The following KAT6A variants were observed in gnomAD, a reference collection of about 807,000 sequenced individuals.
The protein encoded by KAT6A is histone acetyltransferase KAT6A.
KAT6A carries 9 observed loss-of-function variants against 198.4 expected under a neutral mutation model. That is an observed-to-expected ratio of 0.05 (90% CI 0.03 to 0.08). KAT6A has a LOEUF of 0.08. Among genes scored for constraint, KAT6A ranks in the 10% least tolerant of loss-of-function variants. The pLI, the probability that KAT6A is intolerant of heterozygous loss-of-function variation, is 1.00. For missense variants in KAT6A, 2,077 were observed against 2,509.9 expected (o/e 0.83, Z 3.69); for synonymous variants, 890 against 883.0 (o/e 1.01, Z -0.14).
rs1401715670 is a variant in KAT6A, at chr8:41,978,861, A to C, written c.908-84T>G. ...TCAGATAGTCTTAAGTCAGGATCTT[A>C]ACTTTTTCAGGTAAAAGACTGTCAT... On this transcript the variant is annotated intron_variant, in intron 5 of 16. Transcript: ENST00000265713. The C allele has an allele frequency of 2.3e-6, 3 of 1,302,160 alleles. No homozygotes were observed. In the Admixed American group the frequency reaches 6.4e-5, roughly 28 times the overall value. The allele number at this position is 1,302,160 out of a possible 1,614,324, so 80.7% of individuals were successfully genotyped here.
chr8:41,933,960 C>T lies in KAT6A; in HGVS notation c.4260G>A (p.Leu1420=). The T allele has an allele frequency of 1.2e-6, 2 of 1,614,040 alleles. No homozygotes were observed. Among genetic ancestry groups the T allele is most frequent in the Non-Finnish European group, 1.7e-6 (2 of 1,180,014 alleles). The change falls in exon 17 of 17, where the codon CTG becomes CTA. Residue 1420 remains leucine, a synonymous_variant. Coordinates refer to ENST00000265713, the MANE Select transcript of KAT6A (RefSeq NM_006766.5). This position sits in a 1 kb window ranked among gnomAD's most constrained non-coding sequence, Gnocchi z 6.2. ...KEEEEIPHSE[L]DLETVQAVQS... is the part of the protein sequence containing the mutation. ...GCACTGCCTGTACAGTTTCCAGATC[C>T]AGCTCACTATGAGGAATCTCTTCCT...
intron 2 of KAT6A, among the ~76,000 whole-genome samples, chr8:42,018,882 C>T (rs1228386481): frequency 1.3e-5 from 2 of 152,276 alleles, no homozygotes; most frequent in Non-Finnish European, 2.9e-5. Flanking sequence ...GATCGCACCA[C>T]TGCACTCCAG....
At chr8:42,025,724 T>C (rs1826780908) in intron 2 of KAT6A, among the ~76,000 whole-genome samples, 1 of 152,202 alleles carries the variant, frequency 6.6e-6, no homozygotes, top group South Asian at 2.1e-4. Flanking sequence ...ATTCTGCTGA[T>C]TGTTTTCTTT....
chr8:41,929,964 C>T lies in KAT6A; in HGVS notation c.*2241G>A. 1 of 218,202 alleles carries T rather than the reference C, an allele frequency of 4.6e-6. No homozygotes were observed. The highest frequency in any genetic ancestry group is 9.2e-6 in the Non-Finnish European group (1 of 108,688). The allele number at this position is 218,202 out of a possible 1,614,324, so 13.5% of individuals were successfully genotyped here. Reference sequence around the variant, plus strand: ...TTAGAAGATTACCCAAGTTATCTTGCTAAAAATACATTTTTTTTAAACAGA... The same window carrying T: ...TTAGAAGATTACCCAAGTTATCTTGTTAAAAATACATTTTTTTTAAACAGA... On this transcript the variant is annotated 3_prime_UTR_variant, in exon 17 of 17. Coordinates refer to ENST00000265713, the MANE Select transcript of KAT6A (RefSeq NM_006766.5).
chr8:42,037,573 G>A, intron 2 of KAT6A, among the ~76,000 whole-genome samples: 1 of 152,100 alleles, frequency 6.6e-6, no homozygotes, highest in Non-Finnish European at 1.5e-5. Context: ...ACAATTCCCT[G>A]GAGGAAAACG....
intron 8 of KAT6A, chr8:41,957,649 A>G (rs577474892): frequency 8.9e-4 from 171 of 191,752 alleles, no homozygotes; most frequent in Non-Finnish European, 1.5e-3. Context: ...TCCAGGCTAG[A>G]ATTGACCTTT....
chr8:41,978,789 T>C lies in KAT6A; in HGVS notation c.908-12A>G. 6.2e-7 allele frequency: 1 copy of C among 1,611,290 alleles called. No individual in the cohort carries two copies. The highest frequency in any genetic ancestry group is 8.5e-7 in the Non-Finnish European group (1 of 1,178,512). On this transcript the variant is annotated splice_polypyrimidine_tract_variant and intron_variant, in intron 5 of 16. Coordinates refer to ENST00000265713, the MANE Select transcript of KAT6A (RefSeq NM_006766.5). ...ACATATCCACATGCCTATAAAAAAA[T>C]AAAATTCCACATAGAAGTGTGACAG...
chr8:41,977,265 G>A lies in KAT6A; in HGVS notation c.1106C>T (p.Thr369Ile). Residue 369 changes from threonine (T) to isoleucine (I), a missense_variant, in exon 7 of 17, where the codon ACT becomes ATT. Thr to Ile is a moderately conservative substitution (Grantham distance 89). Around this residue, in one of 13 missense-constraint regions of KAT6A, gnomAD observed 206 missense variants for 214.9 expected, o/e 0.96. Transcript: ENST00000265713. The part of the protein sequence containing the change: ...GPGRGRKRKI[T>I]LSSQSASSSS... ...TGATGATGCTGATTGGCTGGAAAGA[G>A]TGATTTTTCGTTTCCTACCCCTTCC... is the stretch of plus-strand genomic sequence containing the variant. 1 of 1,614,176 alleles carries A rather than the reference G, an allele frequency of 6.2e-7. No homozygotes were observed. The highest frequency in any genetic ancestry group is 8.5e-7 in the Non-Finnish European group (1 of 1,180,014).
Position 41,941,529 on chromosome 8 carries a change from GAGA to G in KAT6A, c.2437-88_2437-86del, listed in dbSNP as rs1345483057. The G allele has an allele frequency of 1.8e-5, 25 of 1,372,502 alleles. 2 individuals carry two copies. The highest frequency in any genetic ancestry group is 2.5e-4 in the Middle Eastern group (1 of 4,054). 85.0% of individuals were successfully genotyped at this position (1,372,502 alleles called of 1,614,324 possible). A position where few individuals can be genotyped will look rare whatever the true frequency, so the allele number is the denominator to read the frequency against. The stretch of plus-strand genomic sequence containing the variant: ...CCTATTCTGACCTTTTAAGTATTGA[GAGA>G]AGAAAAGGAAACTGAGCTTTAAAAA... On this transcript the variant is annotated intron_variant, in intron 14 of 16. Transcript: ENST00000265713.
intron 2 of KAT6A, among the ~76,000 whole-genome samples, chr8:42,009,654 T>C (rs558358387): frequency 2.0e-5 from 3 of 151,624 alleles, no homozygotes; most frequent in Admixed American, 6.6e-5. Context: ...ATCTCAGCAT[T>C]TGGGGAGGCT....
chr8:41,957,262 T>C (rs1283701827), intron 8 of KAT6A: 3 of 566,332 alleles, frequency 5.3e-6, no homozygotes, highest in East Asian at 4.0e-5. Flanking sequence ...TTCCTGCACA[T>C]GCGCTCATGT....
intron 8 of KAT6A, among the ~76,000 whole-genome samples, chr8:41,967,085 C>A (rs896398934): frequency 6.6e-6 from 1 of 152,066 alleles, no homozygotes; most frequent in African/African-American, 2.4e-5. Context: ...CAAAAATGCT[C>A]TGTAACTTTC....
At chr8:42,008,895 T>C (rs556907065) in intron 2 of KAT6A, among the ~76,000 whole-genome samples, 77 of 152,306 alleles carry the variant, frequency 5.1e-4, no homozygotes, top group Admixed American at 9.8e-4. Flanking sequence ...ATAGAAGACA[T>C]TTTAAAATTG....
intron 8 of KAT6A, among the ~76,000 whole-genome samples, chr8:41,963,742 A>AT (rs1399433952): frequency 1.3e-5 from 2 of 152,192 alleles, no homozygotes; most frequent in Non-Finnish European, 2.9e-5. Flanking sequence ...CTCAAGAGCT[A>AT]TTTAGCTACT....
intron 2 of KAT6A, among the ~76,000 whole-genome samples, chr8:41,995,674 CTTTTTTTTT>C (rs10710765): frequency 3.9e-5 from 4 of 103,082 alleles, no homozygotes; most frequent in Non-Finnish European, 7.5e-5. Context: ...ATTTTCATTT[CTTTTTTTTT>C]TTTTTTTTTT....
chr8:41,935,177 G>C (rs1185257005), intron 16 of KAT6A, among the ~76,000 whole-genome samples: 1 of 152,148 alleles, frequency 6.6e-6, no homozygotes, highest in Non-Finnish European at 1.5e-5. Flanking sequence ...CTACATTTCA[G>C]TTTCATCATC....
In KAT6A at chr8:41,933,200, G is replaced by C. The variant is rs1051389004; in HGVS notation, c.5020C>G (p.Pro1674Ala). 7.6e-6 allele frequency: 12 copies of C among 1,580,594 alleles called. No homozygotes were observed. The highest frequency in any genetic ancestry group is 9.4e-6 in the Non-Finnish European group (11 of 1,166,824). ...TGCTGTTGCGGCTGCTGCTGGGGTGGTGGAGGCTGTGGTGCTGGTTGTGGT... is the reference window on the plus strand; with the variant it reads ...TGCTGTTGCGGCTGCTGCTGGGGTGCTGGAGGCTGTGGTGCTGGTTGTGGT... Reference protein sequence around the residue: ...PQPQPAPQPPPPQQQPQQQPQ... With the variant: ...PQPQPAPQPPAPQQQPQQQPQ... Residue 1674 changes from proline (P) to alanine (A), a missense_variant, in exon 17 of 17, where the codon CCA becomes GCA. By Grantham distance (27) the Pro-to-Ala change is conservative (BLOSUM62 -1). Around this residue, in one of 13 missense-constraint regions of KAT6A, gnomAD observed 500 missense variants for 577.2 expected, o/e 0.87. Transcript: ENST00000265713. The surrounding 1 kb of genome is among the most constrained non-coding windows in gnomAD (Gnocchi z 6.2).
chr8:41,943,123 G>T, intron 13 of KAT6A, 123 bp from the exon 14 acceptor site: 1 of 1,266,360 alleles, frequency 7.9e-7, no homozygotes, highest in Non-Finnish European at 1.1e-6. Context: ...AGCCTGCCTG[G>T]GACGATGGAA....
At chr8:41,998,113 T>C (rs1389676639) in intron 2 of KAT6A, among the ~76,000 whole-genome samples, 2 of 152,106 alleles carry the variant, frequency 1.3e-5, no homozygotes, top group Admixed American at 6.5e-5. Flanking sequence ...TAACATAACA[T>C]AAAAATTTGA....
Sources: gnomAD v4.1 joint callset for allele counts (sites outside exome capture counted in the v4.1 genomes callset) on GRCh38, gnomAD v4.1.1 for gene constraint, gnomAD v4.1.1 regional missense constraint, Gnocchi (gnomAD v3.1) non-coding constraint, MANE v1.5 for transcripts, NCBI Gene and HGNC (gene_info 2026-07-23, HGNC 2026-07-21) for gene names.